DOC2B: variants seen among roughly 807,000 people sequenced by gnomAD.
DOC2B encodes double C2-like domain-containing protein beta.
In DOC2B, 21 loss-of-function variants were observed where a neutral mutation model predicts 28.9. That is an observed-to-expected ratio of 0.73 (90% CI 0.52 to 1.05). DOC2B has a LOEUF of 1.05. Ranked by LOEUF, DOC2B falls within the 50% of genes least tolerant of loss-of-function variation. DOC2B has a pLI of 0.00. For missense variants in DOC2B, 384 were observed against 421.1 expected (o/e 0.91, Z 0.77); for synonymous variants, 194 against 178.1 (o/e 1.09, Z -0.71).
In DOC2B at chr17:181,377, C is replaced by T; in HGVS notation, c.103G>A (p.Asp35Asn). Residue 35 changes from aspartate to asparagine, a missense_variant, in exon 1 of 9, where the codon GAC (aspartate) becomes AAC (asparagine). Coordinates refer to ENST00000613549, the MANE Select transcript of DOC2B (RefSeq NM_003585.5). The surrounding 1 kb of genome is among the most constrained non-coding windows in gnomAD (Gnocchi z 7.0). ...CCCCGCGGGAAGCGGGGGAAGTAGT[C>T]GGAGATCTGCTTGATGGGACGGATG... ...GPIRPIKQIS[D>N]YFPRFPRGLP... is the part of the protein sequence containing the mutation. 3.5e-6 allele frequency: 4 copies of T among 1,145,994 alleles called. No homozygotes were observed. Among genetic ancestry groups the T allele is most frequent in the Non-Finnish European group, 4.3e-6 (4 of 929,570 alleles). The allele number at this position is 1,145,994 out of a possible 1,614,324, so 71.0% of individuals were successfully genotyped here. A position where few individuals can be genotyped will look rare whatever the true frequency, so the allele number is the denominator to read the frequency against.
In DOC2B at chr17:143,324, C is replaced by T. The variant is rs1467193352; in HGVS notation, c.*4117G>A. 1 of 129,156 alleles carries T rather than the reference C, an allele frequency of 7.7e-6. No individual in the cohort carries two copies. Among genetic ancestry groups the T allele is most frequent in the East Asian group, 2.4e-4 (1 of 4,232 alleles). The allele number at this position is 129,156 out of a possible 1,614,324, so 8.0% of individuals were successfully genotyped here. On this transcript the variant is annotated 3_prime_UTR_variant, in exon 9 of 9. Transcript: ENST00000613549. ...CGTCTTTCCACCCTCCCCTCCTACC[C>T]TTCCAAATCTTTTTTTTTTTTTTTT...
chr17:157,179 C>T (rs547420998), intron 5 of DOC2B, among the ~76,000 whole-genome samples: 37 of 152,362 alleles, frequency 2.4e-4, no homozygotes, highest in Admixed American at 2.1e-3. Context: ...GTCCTCCTCA[C>T]AGCCCGCCCG....
In DOC2B at chr17:156,369, C is replaced by G. The variant is rs1555522542; in HGVS notation, c.774G>C (p.Lys258Asn). 1 of 1,551,360 alleles carries G rather than the reference C, an allele frequency of 6.4e-7. No individual in the cohort carries two copies. ...ICLEKQLPVD[K>N]TEDKSLEERG... ...GCTCCTCCAGGGACTTGTCTTCAGTCTTGTCCACCTGTTGGACGGGACGGT... is the reference window on the plus strand; with the variant it reads ...GCTCCTCCAGGGACTTGTCTTCAGTGTTGTCCACCTGTTGGACGGGACGGT... Residue 258 changes from lysine to asparagine, a missense_variant, in exon 6 of 9, where the codon AAG (lysine) becomes AAC (asparagine). By Grantham distance (94) the Lys-to-Asn change is moderately conservative. Transcript: ENST00000613549.
At chr17:154,029 G>A (rs1349060949) in intron 6 of DOC2B, among the ~76,000 whole-genome samples, 2 of 152,196 alleles carry the variant, frequency 1.3e-5, no homozygotes, top group African/African-American at 2.4e-5. Context: ...TAGAAATAGA[G>A]TCCTGCAACA....
intron 6 of DOC2B, among the ~76,000 whole-genome samples, chr17:151,564 A>T (rs1398897022): frequency 6.6e-6 from 1 of 152,166 alleles, no homozygotes; most frequent in Non-Finnish European, 1.5e-5. Flanking sequence ...ATTTTAAAAA[A>T]GTTTGGGGGG....
chr17:181,211 T>A lies in DOC2B; in HGVS notation c.269A>T (p.Tyr90Phe). The A allele has an allele frequency of 1.6e-6, 2 of 1,225,530 alleles. No individual in the cohort carries two copies. Among genetic ancestry groups the A allele is most frequent in the Non-Finnish European group, 2.0e-6 (2 of 983,662 alleles). 75.9% of individuals were successfully genotyped at this position (1,225,530 alleles called of 1,614,324 possible). A position where few individuals can be genotyped will look rare whatever the true frequency, so the allele number is the denominator to read the frequency against. Residue 90 changes from tyrosine (Y) to phenylalanine (F), a missense_variant, in exon 1 of 9, where the codon TAC (tyrosine) becomes TTC (phenylalanine). Physicochemically the swap from Tyr to Phe is conservative, Grantham distance 22. Transcript: ENST00000613549. This position sits in a 1 kb window ranked among gnomAD's most constrained non-coding sequence, Gnocchi z 7.0. The part of the protein sequence containing the change: ...DEDVDQLFGA[Y>F]GSSPGPSPGP... ...CGGGCTGGGGCCCGGGCTGGAGCCG[T>A]AGGCTCCGAAGAGCTGGTCCACATC... is the stretch of plus-strand genomic sequence containing the variant.
chr17:154,551 T>G (rs2040111623), intron 6 of DOC2B, among the ~76,000 whole-genome samples: 1 of 152,244 alleles, frequency 6.6e-6, no homozygotes, highest in African/African-American at 2.4e-5. Flanking sequence ...TTTTGGCTGT[T>G]GTGGATAGTG....
chr17:172,588 C>A lies in DOC2B; in HGVS notation c.402G>T (p.Leu134=). 10 of 1,551,024 alleles carry A rather than the reference C, an allele frequency of 6.4e-6. No individual in the cohort carries two copies. The highest frequency in any genetic ancestry group is 8.7e-6 in the Non-Finnish European group (10 of 1,146,592). Reference sequence around the variant, plus strand: ...GGGCGTTGTTCTCCTGGTCATACAGCAGGCTGAAGTCCAGCGTGCCCAGGG... The same window carrying A: ...GGGCGTTGTTCTCCTGGTCATACAGAAGGCTGAAGTCCAGCGTGCCCAGGG... ...CTALGTLDFS[L]LYDQENNALH... is the part of the protein sequence containing the mutation. Residue 134 remains leucine, a synonymous_variant, in exon 2 of 9, where the codon CTG becomes CTT. Transcript: ENST00000613549.
intron 5 of DOC2B, among the ~76,000 whole-genome samples, chr17:156,868 C>T (rs763145371): frequency 2.6e-5 from 4 of 152,202 alleles, no homozygotes; most frequent in African/African-American, 7.2e-5. Context: ...CATGAGCCAC[C>T]GTGCCCAGCT....
At chr17:155,195 G>A (rs1312285346) in intron 6 of DOC2B, among the ~76,000 whole-genome samples, 3 of 152,052 alleles carry the variant, frequency 2.0e-5, no homozygotes, top group Admixed American at 6.6e-5. Flanking sequence ...GTCTCACTAT[G>A]TTGCCCAGGA....
intron 8 of DOC2B, 140 bp downstream of exon 8, chr17:148,033 G>A: frequency 5.1e-6 from 2 of 396,034 alleles, no homozygotes; most frequent in Non-Finnish European, 4.4e-6. Flanking sequence ...ACAAGGGTCA[G>A]GCTGGAGAAG....
At chr17:162,577 G>A (rs1555523419) in intron 3 of DOC2B, among the ~76,000 whole-genome samples, 1 of 152,208 alleles carries the variant, frequency 6.6e-6, no homozygotes, top group African/African-American at 2.4e-5. Context: ...GGGCTCCCCG[G>A]GCTCCAGAAG....
rs2040019836 is a variant in DOC2B, at chr17:146,443, A to C, written c.*998T>G. 6.6e-6 allele frequency: 1 copy of C among 152,066 alleles called. No homozygotes were observed. The highest frequency in any genetic ancestry group is 2.4e-5 in the African/African-American group (1 of 41,362). The allele number at this position is 152,066 out of a possible 1,614,324, so 9.4% of individuals were successfully genotyped here. A position where few individuals can be genotyped will look rare whatever the true frequency, so the allele number is the denominator to read the frequency against. ...AGGAGTAGAAAGAGATCAGAGTGGG[A>C]GACTTGGGTCTGAGGTCTGAACTTG... On this transcript the variant is annotated 3_prime_UTR_variant, in exon 9 of 9. Coordinates refer to ENST00000613549, the MANE Select transcript of DOC2B (RefSeq NM_003585.5).
chr17:163,865 A>G lies in DOC2B; in HGVS notation c.528+265T>C, dbSNP rs563284316. 5.5e-4 allele frequency: 234 copies of G among 426,326 alleles called. 2 individuals carry two copies. In the South Asian group the frequency reaches 7.2e-3, roughly 13 times the overall value. The allele number at this position is 426,326 out of a possible 1,614,324, so 26.4% of individuals were successfully genotyped here. On this transcript the variant is annotated intron_variant, in intron 3 of 8. Transcript: ENST00000613549. ...TAAAATGCTGGCCTGGAAATTCTCCAGGGGTTTCCCCAGATCAGCAGGTAG... is the reference window on the plus strand; with the variant it reads ...TAAAATGCTGGCCTGGAAATTCTCCGGGGGTTTCCCCAGATCAGCAGGTAG...
intron 4 of DOC2B, 71 bp downstream of exon 4, chr17:162,010 G>A: frequency 9.0e-7 from 1 of 1,106,890 alleles, no homozygotes. Flanking sequence ...CTCCAGTCCT[G>A]CCTTCATTAG....
chr17:173,977 C>T (rs558088495), intron 1 of DOC2B, among the ~76,000 whole-genome samples: 1 of 152,202 alleles, frequency 6.6e-6, no homozygotes, highest in African/African-American at 2.4e-5. Context: ...ACGGCCTGCA[C>T]AGCTGAAAAT....
intron 1 of DOC2B, among the ~76,000 whole-genome samples, chr17:177,103 G>A (rs1282338168): frequency 6.8e-6 from 1 of 147,242 alleles, no homozygotes; most frequent in African/African-American, 2.5e-5. Context: ...ATTGTGGCAA[G>A]GACCATAGAA....
Position 143,331 on chromosome 17 carries a change from A to ATATTTTTTTTTT in DOC2B, c.*4109_*4110insAAAAAAAAAATA, listed in dbSNP as rs1175570091. 4.7e-5 allele frequency: 2 copies of ATATTTTTTTTTT among 42,280 alleles called. 1 individual carries two copies. The allele number at this position is 42,280 out of a possible 1,614,324, so 2.6% of individuals were successfully genotyped here. The stretch of plus-strand genomic sequence containing the variant: ...CCACCCTCCCCTCCTACCCTTCCAA[A>ATATTTTTTTTTT]TCTTTTTTTTTTTTTTTTGACAAGG... On this transcript the variant is annotated 3_prime_UTR_variant, in exon 9 of 9. Coordinates refer to ENST00000613549, the MANE Select transcript of DOC2B (RefSeq NM_003585.5).
At chr17:149,002 T>G in intron 7 of DOC2B, 109 bp downstream of exon 7, 2 of 367,626 alleles carry the variant, frequency 5.4e-6, no homozygotes, top group Admixed American at 4.6e-5. Context: ...CTCCCCACCG[T>G]CTCTGACCAC....
Sources: allele counts gnomAD v4.1 joint callset (sites outside exome capture counted in the v4.1 genomes callset), GRCh38; gene constraint gnomAD v4.1.1; non-coding constraint Gnocchi (gnomAD v3.1); transcripts MANE v1.5; gene names NCBI Gene and HGNC (gene_info 2026-07-23, HGNC 2026-07-21).